Variants in ABCC5 observed in about 807,000 individuals in gnomAD.
ABCC5 encodes ATP binding cassette subfamily C member 5.
In ABCC5, 61 loss-of-function variants were observed where a neutral mutation model predicts 160.9. The observed-to-expected ratio is 0.38, with a 90% CI of 0.31 to 0.47. The LOEUF (loss-of-function observed/expected upper bound fraction) is 0.47. Ranked by LOEUF, ABCC5 falls within the 20% of genes least tolerant of loss-of-function variation. The pLI, the probability that ABCC5 is intolerant of heterozygous loss-of-function variation, is 0.99. For synonymous variants in ABCC5, 666 were observed against 700.6 expected (o/e 0.95, Z 0.78); for missense variants, 1,308 against 1,813.3 (o/e 0.72, Z 5.06).
chr3:183,981,950 T>A, intron 7 of ABCC5, 76 bp from the exon 8 acceptor site: 2 of 1,498,874 alleles, frequency 1.3e-6, no homozygotes, highest in Non-Finnish European at 1.8e-6. Flanking sequence ...TTAAGGTCAT[T>A]CTCAATAAAA....
intron 24 of ABCC5, among the ~76,000 whole-genome samples, chr3:183,943,236 T>G (rs73884809): frequency 0.064 from 9,671 of 152,202 alleles, 1,047 homozygotes; most frequent in African/African-American, 0.22. Context: ...CGGGCAGACA[T>G]GAGGCCTTCC....
At position 183,988,412 on chromosome 3, in the gene ABCC5, G is replaced by T. The variant is rs543096925; in HGVS notation, c.443+160C>A. 3.9e-4 allele frequency among the ~76,000 whole-genome samples: 60 copies of T among 152,336 alleles called. No homozygotes were observed. The highest frequency in any genetic ancestry group is 1.4e-3 in the African/African-American group (60 of 41,578). On this transcript the variant is annotated intron_variant, in intron 4 of 29. Transcript: ENST00000334444. This position sits in a 1 kb window ranked among gnomAD's most constrained non-coding sequence, Gnocchi z 4.4. ...TAAAACAGGATCAAAGGTGAAATAG[G>T]AGATAAAGCAAAAGAGCAAAGAGAA...
intron 2 of ABCC5, among the ~76,000 whole-genome samples, chr3:184,007,901 A>T (rs73048476): frequency 0.015 from 2,313 of 152,292 alleles, 38 homozygotes; most frequent in African/African-American, 0.053. Flanking sequence ...TATAGCTAAG[A>T]CTTCACACAT....
Position 183,921,418 on chromosome 3 carries a change from C to G in ABCC5, c.4213-17G>C. The G allele has an allele frequency of 6.2e-7, 1 of 1,610,100 alleles. No homozygotes were observed. Among genetic ancestry groups the G allele is most frequent in the African/African-American group, 1.3e-5 (1 of 74,850 alleles). On this transcript the variant is annotated splice_polypyrimidine_tract_variant and intron_variant, in intron 29 of 29. Transcript: ENST00000334444. The surrounding 1 kb of genome is among the most constrained non-coding windows in gnomAD (Gnocchi z 4.1). ...CTCCACCACCTGCAAAAGAAGGAGA[C>G]GCCGTCAGGACACAGCTCTGGGTCA...
At chr3:184,001,542 G>A (rs138629611) in intron 2 of ABCC5, among the ~76,000 whole-genome samples, 5 of 152,302 alleles carry the variant, frequency 3.3e-5, no homozygotes, top group African/African-American at 1.2e-4. Flanking sequence ...CAGAGGACAT[G>A]TGGCAATATC....
rs1166576295 is a variant in ABCC5, at chr3:183,920,258, CTG to C, written c.*1040_*1041del. ...CTTTGAGGGGAGAGAGAGAGAGAGA[CTG>C]TGCGACGACTGCGGTGAGAAAGGAA... On this transcript the variant is annotated 3_prime_UTR_variant, in exon 30 of 30. Coordinates refer to ENST00000334444, the MANE Select transcript of ABCC5 (RefSeq NM_005688.4). This position sits in a 1 kb window ranked among gnomAD's most constrained non-coding sequence, Gnocchi z 4.1. 1 of 152,408 alleles carries C rather than the reference CTG, an allele frequency of 6.6e-6. No homozygotes were observed. Among genetic ancestry groups the C allele is most frequent in the Non-Finnish European group, 1.5e-5 (1 of 68,098 alleles). 9.4% of individuals were successfully genotyped at this position (152,408 alleles called of 1,614,324 possible). A position where few individuals can be genotyped will look rare whatever the true frequency, so the allele number is the denominator to read the frequency against.
Position 183,987,948 on chromosome 3 carries a change from TCTC to T in ABCC5, c.444-34_444-32del. ...CAAGGGCACACGTCCTCGTTACACA[TCTC>T]CTCGGGGGAAAGGCACACCTAGCTC... On this transcript the variant is annotated intron_variant, in intron 4 of 29. Coordinates refer to ENST00000334444, the MANE Select transcript of ABCC5 (RefSeq NM_005688.4). This position sits in a 1 kb window ranked among gnomAD's most constrained non-coding sequence, Gnocchi z 4.2. 1 of 1,607,716 alleles carries T rather than the reference TCTC, an allele frequency of 6.2e-7. No individual in the cohort carries two copies. The highest frequency in any genetic ancestry group is 8.5e-7 in the Non-Finnish European group (1 of 1,176,522).
intron 18 of ABCC5, 102 bp downstream of exon 18, chr3:183,952,982 CTT>C (rs1176651886): frequency 1.5e-6 from 2 of 1,298,420 alleles, no homozygotes; most frequent in Non-Finnish European, 2.1e-6. Context: ...TTTACAGCTT[CTT>C]TTAAGTGAAA....
chr3:183,933,885 CT>C (rs1428589709), intron 26 of ABCC5, among the ~76,000 whole-genome samples: 2 of 152,190 alleles, frequency 1.3e-5, no homozygotes, highest in African/African-American at 4.8e-5. Context: ...ACCCTCAATA[CT>C]GGCTAATGGT....
In ABCC5 at chr3:183,948,967, G is replaced by A. The variant is rs576408211; in HGVS notation, c.3227+786C>T. Among the ~76,000 whole-genome samples, 39 of 152,268 alleles carry A rather than the reference G, an allele frequency of 2.6e-4. No homozygotes were observed. The South Asian group carries it at 7.7e-3, about 30-fold the overall frequency. On this transcript the variant is annotated intron_variant, in intron 22 of 29. Transcript: ENST00000334444. ...GATCCGCCCACCTCAGCCTCCCAAA[G>A]TGCTGGCATTACAGGCGGGAGCCAC... is the stretch of plus-strand genomic sequence containing the variant.
rs770083096 is a variant in ABCC5, at chr3:183,963,012, C to T, written c.2235+373G>A. Among the ~76,000 whole-genome samples the T allele has an allele frequency of 1.6e-4, 25 of 152,204 alleles. No individual in the cohort carries two copies. The highest frequency in any genetic ancestry group is 2.6e-4 in the Non-Finnish European group (18 of 68,040). On this transcript the variant is annotated intron_variant, in intron 15 of 29. Coordinates refer to ENST00000334444, the MANE Select transcript of ABCC5 (RefSeq NM_005688.4). The surrounding 1 kb of genome is among the most constrained non-coding windows in gnomAD (Gnocchi z 4.6). ...CATCCTTGAGCTGCTCTCCAAAGTG[C>T]CTGCTTATGATGGAATGGCAGAGGG...
chr3:183,982,502 T>A lies in ABCC5; in HGVS notation c.948A>T (p.Gly316=). Residue 316 remains glycine, a synonymous_variant, in exon 7 of 30, where the codon GGA becomes GGT. Transcript: ENST00000334444. The surrounding 1 kb of genome is among the most constrained non-coding windows in gnomAD (Gnocchi z 5.2). ...LGMIYNVIIL[G]PTGFLGSAVF... ...CAGCTGATCCCAGGAAGCCTGTTGGTCCCAGAATAATTACATTATAAATCA... is the reference window on the plus strand; with the variant it reads ...CAGCTGATCCCAGGAAGCCTGTTGGACCCAGAATAATTACATTATAAATCA... The A allele has an allele frequency of 1.9e-6, 3 of 1,614,102 alleles. No individual in the cohort carries two copies. The highest frequency in any genetic ancestry group is 2.5e-6 in the Non-Finnish European group (3 of 1,180,024).
chr3:183,933,906 G>A (rs199738239), intron 26 of ABCC5, among the ~76,000 whole-genome samples: 11 of 152,200 alleles, frequency 7.2e-5, no homozygotes, highest in East Asian at 5.8e-4. Flanking sequence ...TGGTGGAGGC[G>A]CGGTTTCCAG....
chr3:183,932,968 C>T (rs185223787), intron 26 of ABCC5, among the ~76,000 whole-genome samples: 2 of 151,896 alleles, frequency 1.3e-5, no homozygotes, highest in Admixed American at 1.3e-4. Flanking sequence ...AGTTCAAGAC[C>T]ACCAGCCTGG....
In ABCC5 at chr3:183,987,702, A is replaced by G. The variant is rs755834809; in HGVS notation, c.591+68T>C. The G allele has an allele frequency of 6.2e-7, 1 of 1,605,444 alleles. No homozygotes were observed. The highest frequency in any genetic ancestry group is 1.7e-5 in the Admixed American group (1 of 59,310). ...AAGCTGAGCACAACCTCTGCAACAG[A>G]ATAAGAGTGTTAGAGCTGGCCGTGG... On this transcript the variant is annotated intron_variant, in intron 5 of 29. Transcript: ENST00000334444. The surrounding 1 kb of genome is among the most constrained non-coding windows in gnomAD (Gnocchi z 4.2).
intron 11 of ABCC5, 64 bp downstream of exon 11, chr3:183,971,499 A>G: frequency 6.8e-7 from 1 of 1,462,044 alleles, no homozygotes; most frequent in Non-Finnish European, 9.4e-7. Flanking sequence ...GCAGCCGCCT[A>G]TTGGTGGCAG....
chr3:183,925,490 C>A, intron 29 of ABCC5, 65 bp downstream of exon 29: 1 of 1,566,034 alleles, frequency 6.4e-7, no homozygotes, highest in Non-Finnish European at 8.7e-7. Context: ...GCAATCAGTC[C>A]ATCCCTGCCA....
chr3:183,980,115 T>C (rs936840552), intron 8 of ABCC5, among the ~76,000 whole-genome samples: 3 of 152,168 alleles, frequency 2.0e-5, no homozygotes, highest in African/African-American at 7.2e-5. Flanking sequence ...CCTTAGGTGA[T>C]CTACTCGCCT....
intron 2 of ABCC5, 24 bp from the exon 3 acceptor site, chr3:183,989,407 G>A: frequency 6.2e-7 from 1 of 1,612,756 alleles, no homozygotes; most frequent in Non-Finnish European, 8.5e-7. Flanking sequence ...TAGGGAGAAA[G>A]GCAAGAGCAC....
Sources: allele counts gnomAD v4.1 joint callset (sites outside exome capture counted in the v4.1 genomes callset), GRCh38; gene constraint gnomAD v4.1.1; non-coding constraint Gnocchi (gnomAD v3.1); transcripts MANE v1.5; gene names NCBI Gene and HGNC (gene_info 2026-07-23, HGNC 2026-07-21).